DGKB: variants seen among roughly 807,000 people sequenced by gnomAD.
DGKB encodes the protein diacylglycerol kinase beta, also known as 90 kDa diacylglycerol kinase.
In DGKB, 67 loss-of-function variants were observed where a neutral mutation model predicts 114.3. The ratio of observed to expected loss-of-function variants is 0.59; its 90% CI spans 0.48 to 0.72. The LOEUF is 0.72. DGKB is among the 30% of genes least tolerant of loss of function. DGKB has a pLI of 0.00. For missense variants in DGKB, 907 were observed against 975.2 expected, an observed-to-expected ratio of 0.93 and a Z score of 0.93; for synonymous variants, 398 against 323.1, an observed-to-expected ratio of 1.23 and a Z score of -2.49.
intron 13 of DGKB, among the ~76,000 whole-genome samples, chr7:14,636,349 G>A (rs780883708): frequency 2.2e-4 from 34 of 151,616 alleles, no homozygotes; most frequent in Non-Finnish European, 5.0e-4. Context: ...GCCCTCATTA[G>A]GAAACAAGTC....
intron 21 of DGKB, among the ~76,000 whole-genome samples, chr7:14,392,912 C>A (rs1303758558): frequency 2.0e-5 from 3 of 151,414 alleles, no homozygotes; most frequent in Non-Finnish European, 4.4e-5. Flanking sequence ...ACAGAAATAG[C>A]TCTGTGCTAC....
chr7:14,735,462 G>A (rs1349721292), intron 5 of DGKB, among the ~76,000 whole-genome samples: 1 of 151,946 alleles, frequency 6.6e-6, no homozygotes, highest in African/African-American at 2.4e-5. Flanking sequence ...TTTTACATTG[G>A]GTAATACAGT....
intron 1 of DGKB, among the ~76,000 whole-genome samples, chr7:14,898,082 A>C (rs1696494176): frequency 6.6e-6 from 1 of 152,040 alleles, no homozygotes; most frequent in Non-Finnish European, 1.5e-5. Context: ...GTGGAACCAT[A>C]TAGAAAGACT....
chr7:14,566,096 T>C lies in DGKB; in HGVS notation c.1770+8116A>G, dbSNP rs182073233. Among the ~76,000 whole-genome samples, 39 of 151,736 alleles carry C rather than the reference T, an allele frequency of 2.6e-4. 1 individual carries two copies. In the South Asian group the frequency reaches 7.8e-3, roughly 30 times the overall value. ...ACTTATATAATTTAATCACATATAATTGGAAAGTATAATTTTAAAAAGAAT... is the reference window on the plus strand; with the variant it reads ...ACTTATATAATTTAATCACATATAACTGGAAAGTATAATTTTAAAAAGAAT... On this transcript the variant is annotated intron_variant, in intron 20 of 25. Transcript: ENST00000402815.
intron 1 of DGKB, among the ~76,000 whole-genome samples, chr7:14,900,055 G>A (rs947179560): frequency 6.6e-6 from 1 of 152,114 alleles, no homozygotes; most frequent in Non-Finnish European, 1.5e-5. Context: ...CATATGTAAA[G>A]CTCTTGACAC....
At chr7:14,339,601 G>A (rs1811277325) in intron 22 of DGKB, among the ~76,000 whole-genome samples, 2 of 151,842 alleles carry the variant, frequency 1.3e-5, no homozygotes, top group Non-Finnish European at 2.9e-5. Flanking sequence ...TCCACTACTG[G>A]ACATATGTGG....
intron 17 of DGKB, among the ~76,000 whole-genome samples, chr7:14,585,338 C>A (rs897489814): frequency 6.6e-6 from 1 of 152,106 alleles, no homozygotes; most frequent in African/African-American, 2.4e-5. Flanking sequence ...TCTCTGTTTT[C>A]TTTCCCTATA....
intron 21 of DGKB, among the ~76,000 whole-genome samples, chr7:14,446,027 C>T (rs1830680682): frequency 6.6e-6 from 1 of 152,024 alleles, no homozygotes; most frequent in African/African-American, 2.4e-5. Context: ...AAAACCCGTG[C>T]TTTCTTGACT....
At chr7:14,973,916 T>C (rs541332220) in intron 1 of DGKB, among the ~76,000 whole-genome samples, 14 of 148,844 alleles carry the variant, frequency 9.4e-5, no homozygotes, top group Admixed American at 5.4e-4. Context: ...ATTTAAAACA[T>C]ATAAATTTAA....
intron 20 of DGKB, among the ~76,000 whole-genome samples, chr7:14,563,901 C>A (rs192729611): frequency 1.6e-4 from 25 of 152,232 alleles, no homozygotes; most frequent in African/African-American, 5.5e-4. Flanking sequence ...TTTTCCTGCT[C>A]ACTCTGTGCT....
intron 21 of DGKB, among the ~76,000 whole-genome samples, chr7:14,475,739 A>G (rs555742306): frequency 6.6e-6 from 1 of 152,262 alleles, no homozygotes; most frequent in African/African-American, 2.4e-5. Context: ...TACATCTTAT[A>G]AAAAACATTG....
chr7:14,447,324 C>T (rs1584007971), intron 21 of DGKB, among the ~76,000 whole-genome samples: 1 of 152,060 alleles, frequency 6.6e-6, no homozygotes, highest in South Asian at 2.1e-4. Context: ...TACTCATTTT[C>T]TGGTGTCTGT....
chr7:14,539,371 C>T (rs1793047396), intron 20 of DGKB, among the ~76,000 whole-genome samples: 1 of 151,876 alleles, frequency 6.6e-6, no homozygotes, highest in African/African-American at 2.4e-5. Flanking sequence ...TTTCCTTGCA[C>T]TAATACATGA....
chr7:14,402,220 T>C (rs1823236405), intron 21 of DGKB, among the ~76,000 whole-genome samples: 1 of 151,854 alleles, frequency 6.6e-6, no homozygotes, highest in Non-Finnish European at 1.5e-5. Flanking sequence ...ATTCTTACCA[T>C]TAAACTGTCT....
intron 1 of DGKB, among the ~76,000 whole-genome samples, chr7:14,917,383 C>A (rs1050310100): frequency 1.3e-5 from 2 of 151,808 alleles, no homozygotes; most frequent in African/African-American, 4.8e-5. Flanking sequence ...TCTAGCCAGG[C>A]CACTAACAAG....
chr7:14,934,458 C>T (rs1175191243), intron 1 of DGKB, among the ~76,000 whole-genome samples: 2 of 152,062 alleles, frequency 1.3e-5, no homozygotes, highest in African/African-American at 4.8e-5. Flanking sequence ...ACTATAATCT[C>T]ATTGAATTAA....
chr7:14,201,179 T>C (rs541896443), intron 23 of DGKB, among the ~76,000 whole-genome samples: 1 of 152,142 alleles, frequency 6.6e-6, no homozygotes, highest in South Asian at 2.1e-4. Context: ...CTTTTCACTG[T>C]AACCTTACAG....
At chr7:14,966,809 G>T (rs1268301882) in intron 1 of DGKB, among the ~76,000 whole-genome samples, 1 of 152,004 alleles carries the variant, frequency 6.6e-6, no homozygotes, top group Non-Finnish European at 1.5e-5. Flanking sequence ...AAATAATTGA[G>T]AATCAGAGAA....
At chr7:14,689,336 C>A (rs1041569269) in intron 9 of DGKB, among the ~76,000 whole-genome samples, 15 of 151,414 alleles carry the variant, frequency 9.9e-5, no homozygotes, top group African/African-American at 3.4e-4. Context: ...CCACTGCGCC[C>A]GGCTAATTTT....
Sources: gnomAD v4.1 joint callset for allele counts (sites outside exome capture counted in the v4.1 genomes callset) on GRCh38, gnomAD v4.1.1 for gene constraint, MANE v1.5 for transcripts, NCBI Gene and HGNC (gene_info 2026-07-23, HGNC 2026-07-21) for gene names.